The following PTPRN2 variants were observed in gnomAD, a reference collection of about 807,000 sequenced individuals.
PTPRN2 encodes receptor-type tyrosine-protein phosphatase N2.
PTPRN2 carries 74 observed loss-of-function variants against 118.8 expected under a neutral mutation model. The ratio of observed to expected loss-of-function variants is 0.62; its 90% CI spans 0.52 to 0.76. The LOEUF (loss-of-function observed/expected upper bound fraction) is 0.76. Ranked by LOEUF, PTPRN2 falls within the 30% of genes least tolerant of loss-of-function variation. The pLI is 0.00. For synonymous variants in PTPRN2, 641 were observed against 608.0 expected (o/e 1.05, Z -0.80); for missense variants, 1,481 against 1,394.4 (o/e 1.06, Z -0.99).
intron 6 of PTPRN2, among the ~76,000 whole-genome samples, chr7:158,158,016 G>T (rs1821989684): frequency 6.6e-6 from 1 of 152,168 alleles, no homozygotes; most frequent in Non-Finnish European, 1.5e-5. Context: ...GCCTGTGAGA[G>T]GCGGCCTCTG....
intron 11 of PTPRN2, among the ~76,000 whole-genome samples, chr7:157,962,070 C>T (rs2128809874): frequency 6.6e-6 from 1 of 152,338 alleles, no homozygotes; most frequent in Non-Finnish European, 1.5e-5. Context: ...AGTCCCTACT[C>T]TGGCGGGAAA....
In PTPRN2 at chr7:157,784,020, C is replaced by T. The variant is rs965034918; in HGVS notation, c.1789-101083G>A. On this transcript the variant is annotated intron_variant, in intron 12 of 22. Coordinates refer to ENST00000389418, the MANE Select transcript of PTPRN2 (RefSeq NM_002847.5). This position sits in a 1 kb window ranked among gnomAD's most constrained non-coding sequence, Gnocchi z 4.6. Reference sequence around the variant, plus strand: ...TTCAGGATGAGTGGCTGAAACATTTCCCACATGGTTGGAGTTTAAGTCTCT... The same window carrying T: ...TTCAGGATGAGTGGCTGAAACATTTTCCACATGGTTGGAGTTTAAGTCTCT... 2.6e-5 allele frequency among the ~76,000 whole-genome samples: 4 copies of T among 152,124 alleles called. No homozygotes were observed. Among genetic ancestry groups the T allele is most frequent in the South Asian group, 4.1e-4 (2 of 4,822 alleles).
At chr7:158,196,537 A>G (rs1348007607) in intron 4 of PTPRN2, among the ~76,000 whole-genome samples, 1 of 151,750 alleles carries the variant, frequency 6.6e-6, no homozygotes, top group Non-Finnish European at 1.5e-5. Flanking sequence ...GACCACACTG[A>G]GTCCAACCTC....
intron 1 of PTPRN2, among the ~76,000 whole-genome samples, chr7:158,583,471 C>G (rs1281883372): frequency 6.6e-6 from 1 of 152,042 alleles, no homozygotes; most frequent in Non-Finnish European, 1.5e-5. Context: ...TTGCCCACCC[C>G]CACCTCCCCT....
chr7:157,802,297 A>G (rs1805362602), intron 12 of PTPRN2, among the ~76,000 whole-genome samples: 1 of 152,122 alleles, frequency 6.6e-6, no homozygotes, highest in Admixed American at 6.5e-5. Context: ...GGTGCGTTCA[A>G]TTGTCATAGA....
At chr7:157,878,246 C>T (rs1795901565) in intron 12 of PTPRN2, among the ~76,000 whole-genome samples, 1 of 152,220 alleles carries the variant, frequency 6.6e-6, no homozygotes. Flanking sequence ...AGAGCACGGA[C>T]CCTGAGGCTC....
chr7:157,864,101 C>G (rs1338269653), intron 12 of PTPRN2: 1 of 152,286 alleles, frequency 6.6e-6, no homozygotes, highest in Non-Finnish European at 1.5e-5. Context: ...GGTTTTGATC[C>G]AAAAGCATTT....
At chr7:157,544,224 C>A (rs1401674550) in intron 22 of PTPRN2, among the ~76,000 whole-genome samples, 1 of 152,094 alleles carries the variant, frequency 6.6e-6, no homozygotes, top group Admixed American at 6.5e-5. Context: ...TTCAATGGCA[C>A]GGGAGGCCTT....
chr7:158,453,519 G>T (rs1272855677), intron 2 of PTPRN2, among the ~76,000 whole-genome samples: 1 of 152,226 alleles, frequency 6.6e-6, no homozygotes, highest in Non-Finnish European at 1.5e-5. Flanking sequence ...GAGGAGGACT[G>T]AGTCAACTCC....
Position 157,631,618 on chromosome 7 carries a change from G to T in PTPRN2, c.2197-10109C>A, listed in dbSNP as rs1299617351. ...GAGGCCGAGGCGGGTGGATCACGAG[G>T]TCAGGAGATCGAGTCCATCCTGGCT... is the stretch of plus-strand genomic sequence containing the variant. On this transcript the variant is annotated intron_variant, in intron 14 of 22. Coordinates refer to ENST00000389418, the MANE Select transcript of PTPRN2 (RefSeq NM_002847.5). Among the ~76,000 whole-genome samples the T allele has an allele frequency of 3.3e-5, 5 of 151,822 alleles. No individual in the cohort carries two copies. The East Asian group carries it at 7.8e-4, about 24-fold the overall frequency.
rs1234300402 is a variant in PTPRN2, at chr7:158,324,074, CA to C, written c.164-7143del. Among the ~76,000 whole-genome samples, 90 of 152,304 alleles carry C rather than the reference CA, an allele frequency of 5.9e-4. 1 individual carries two copies. Among genetic ancestry groups the C allele is most frequent in the African/African-American group, 1.5e-3 (62 of 41,554 alleles). On this transcript the variant is annotated intron_variant, in intron 2 of 22. Transcript: ENST00000389418. ...TTGCAAACGTGCACACACACACACACACACCCAGACACACTAACTCATATAC... is the reference window on the plus strand; with the variant it reads ...TTGCAAACGTGCACACACACACACACCACCCAGACACACTAACTCATATAC...
At chr7:158,002,618 G>A (rs1333335105) in intron 11 of PTPRN2, among the ~76,000 whole-genome samples, 1 of 152,216 alleles carries the variant, frequency 6.6e-6, no homozygotes, top group African/African-American at 2.4e-5. Flanking sequence ...CATCTGAGGG[G>A]TGAAGAGGAG....
At chr7:157,697,761 A>G (rs1378126979) in intron 12 of PTPRN2, among the ~76,000 whole-genome samples, 3 of 144,134 alleles carry the variant, frequency 2.1e-5, no homozygotes, top group Admixed American at 6.9e-5. Flanking sequence ...CTACCCATGC[A>G]TACTGGATCT....
intron 9 of PTPRN2, among the ~76,000 whole-genome samples, chr7:158,129,262 C>T (rs993368565): frequency 4.0e-5 from 6 of 151,066 alleles, no homozygotes; most frequent in Middle Eastern, 3.5e-3. Flanking sequence ...ACACTACACA[C>T]CACACACTAC....
rs372545901 is a variant in PTPRN2 at position 158,298,927 on chromosome 7, C to G, written c.277+17892G>C. Among the ~76,000 whole-genome samples, 8 of 152,284 alleles carry G rather than the reference C, an allele frequency of 5.3e-5. 1 individual carries two copies. The South Asian group carries it at 1.5e-3, about 28-fold the overall frequency. Reference sequence around the variant, plus strand: ...AAATACCTCCTGAGCCACAGGAACACGATGCCTCTGTGGCCCTGACAGCCA... The same window carrying G: ...AAATACCTCCTGAGCCACAGGAACAGGATGCCTCTGTGGCCCTGACAGCCA... On this transcript the variant is annotated intron_variant, in intron 3 of 22. Coordinates refer to ENST00000389418, the MANE Select transcript of PTPRN2 (RefSeq NM_002847.5).
Position 157,964,373 on chromosome 7 carries a change from G to C in PTPRN2, c.1724-65636C>G, listed in dbSNP as rs1036588884. On this transcript the variant is annotated intron_variant, in intron 11 of 22. Coordinates refer to ENST00000389418, the MANE Select transcript of PTPRN2 (RefSeq NM_002847.5). The surrounding 1 kb of genome is among the most constrained non-coding windows in gnomAD (Gnocchi z 9.0). The stretch of plus-strand genomic sequence containing the variant: ...CATCAGCAAGATGTTGGCAACTGCT[G>C]GGCTGGATGGTTATTAGCATATTAG... Among the ~76,000 whole-genome samples, 5 of 152,044 alleles carry C rather than the reference G, an allele frequency of 3.3e-5. No individual in the cohort carries two copies. Among genetic ancestry groups the C allele is most frequent in the African/African-American group, 1.2e-4 (5 of 41,390 alleles).
At chr7:158,269,728 A>C (rs981694630) in intron 3 of PTPRN2, among the ~76,000 whole-genome samples, 5 of 149,174 alleles carry the variant, frequency 3.4e-5, no homozygotes, top group Non-Finnish European at 5.9e-5. Flanking sequence ...CAAGAGACAG[A>C]AACAGAGAGA....
intron 1 of PTPRN2, among the ~76,000 whole-genome samples, chr7:158,581,904 G>A (rs1305662215): frequency 1.3e-5 from 2 of 152,320 alleles, no homozygotes; most frequent in East Asian, 1.9e-4. Context: ...TACCAGCCTC[G>A]TGATGTAGAG....
At chr7:157,819,145 C>T (rs896812137) in intron 12 of PTPRN2, among the ~76,000 whole-genome samples, 4 of 152,322 alleles carry the variant, frequency 2.6e-5, no homozygotes, top group African/African-American at 4.8e-5. Flanking sequence ...CCCACCTGCA[C>T]CCGCTCAGGG....
Sources: gnomAD v4.1 joint callset for allele counts (sites outside exome capture counted in the v4.1 genomes callset) on GRCh38, gnomAD v4.1.1 for gene constraint, Gnocchi (gnomAD v3.1) non-coding constraint, MANE v1.5 for transcripts, NCBI Gene and HGNC (gene_info 2026-07-23, HGNC 2026-07-21) for gene names.